The following LIMCH1 variants were observed in gnomAD, a reference collection of about 807,000 sequenced individuals.
LIMCH1 encodes the protein LIM and calponin homology domains 1.
Under a neutral mutation model 176.5 loss-of-function variants are expected in LIMCH1, and 113 were observed. The ratio of observed to expected loss-of-function variants is 0.64; its 90% CI spans 0.55 to 0.75. The LOEUF (loss-of-function observed/expected upper bound fraction) is 0.75, where lower values mean the gene tolerates loss of function less well. Ranked by LOEUF, LIMCH1 falls within the 30% of genes least tolerant of loss-of-function variation. The pLI is 0.00. For missense variants in LIMCH1, 1,674 were observed against 1,814.9 expected (o/e 0.92, Z 1.41); for synonymous variants, 619 against 645.9 (o/e 0.96, Z 0.63).
At chr4:41,377,047 A>G (rs2054870226) in intron 1 of LIMCH1, among the ~76,000 whole-genome samples, 1 of 152,226 alleles carries the variant, frequency 6.6e-6, no homozygotes, top group South Asian at 2.1e-4. Context: ...AGCACATGAA[A>G]TTAAGACTTT....
At chr4:41,459,044 A>G (rs7681403) in intron 1 of LIMCH1, among the ~76,000 whole-genome samples, 2,023 of 152,248 alleles carry the variant, frequency 0.013, 44 homozygotes, top group African/African-American at 0.047. Context: ...TCTTATAAGG[A>G]ACTAGGATAT....
intron 1 of LIMCH1, among the ~76,000 whole-genome samples, chr4:41,545,519 C>G (rs1201604361): frequency 6.6e-6 from 1 of 152,164 alleles, no homozygotes; most frequent in Non-Finnish European, 1.5e-5. Flanking sequence ...CAAGGGTGAT[C>G]AAGCAGTTAC....
chr4:41,373,423 G>A (rs1158802727), intron 1 of LIMCH1, among the ~76,000 whole-genome samples: 2 of 152,232 alleles, frequency 1.3e-5, no homozygotes, highest in Admixed American at 6.5e-5. Context: ...GGAATCCTCC[G>A]TGCTTCTTGG....
chr4:41,614,247 C>T (rs967198069), intron 5 of LIMCH1, among the ~76,000 whole-genome samples: 2 of 152,178 alleles, frequency 1.3e-5, no homozygotes, highest in African/African-American at 4.8e-5. Context: ...TGTTCTGAAG[C>T]TGGGATTGAT....
intron 21 of LIMCH1, 42 bp downstream of exon 21, chr4:41,666,708 C>A: frequency 7.8e-7 from 1 of 1,282,738 alleles, no homozygotes; most frequent in Non-Finnish European, 1.1e-6. Context: ...ATGTTCTGGG[C>A]CCATCTGTAG....
intron 14 of LIMCH1, among the ~76,000 whole-genome samples, chr4:41,643,238 G>A (rs1317432731): frequency 6.6e-6 from 1 of 152,148 alleles, no homozygotes; most frequent in Admixed American, 6.5e-5. Context: ...TGCTGCTGCT[G>A]TTCATTGTCT....
chr4:41,376,010 A>C (rs2054711254), intron 1 of LIMCH1, among the ~76,000 whole-genome samples: 1 of 152,226 alleles, frequency 6.6e-6, no homozygotes. Context: ...TATGTAGAAA[A>C]TATGTTTTTT....
intron 10 of LIMCH1, 50 bp downstream of exon 10, chr4:41,631,527 GC>G (rs1224146068): frequency 2.1e-6 from 3 of 1,406,366 alleles, no homozygotes; most frequent in African/African-American, 2.9e-5. Context: ...AGTCACTGCT[GC>G]TTTTGTAGAG....
At chr4:41,632,631 G>A in intron 10 of LIMCH1, 118 bp from the exon 11 acceptor site, 1 of 782,884 alleles carries the variant, frequency 1.3e-6, no homozygotes, top group South Asian at 1.6e-5. Flanking sequence ...ACCAGCCTTT[G>A]GAATGAGAGC....
At chr4:41,670,935 T>C in intron 21 of LIMCH1, 2 of 1,389,454 alleles carry the variant, frequency 1.4e-6, no homozygotes, top group Non-Finnish European at 1.9e-6. Context: ...GCTAGTTCTT[T>C]TATATTACTA....
rs1731691307 is a variant in LIMCH1, at chr4:41,698,025, C to T, written c.*840C>T. On this transcript the variant is annotated 3_prime_UTR_variant, in exon 32 of 32. Transcript: ENST00000503057. ...CAAAGAGTCAATGTCAGACATCAGG[C>T]CTCTGTTGCCTGCTTCTCTCGAGGC... The T allele has an allele frequency of 6.6e-6, 1 of 152,110 alleles. No homozygotes were observed. The highest frequency in any genetic ancestry group is 1.9e-4 in the East Asian group (1 of 5,172). 9.4% of individuals were successfully genotyped at this position (152,110 alleles called of 1,614,324 possible).
intron 1 of LIMCH1, among the ~76,000 whole-genome samples, chr4:41,553,837 A>G (rs1471549502): frequency 6.6e-6 from 1 of 152,140 alleles, no homozygotes; most frequent in African/African-American, 2.4e-5. Context: ...TGGTTTACCT[A>G]CTATGTATTG....
chr4:41,546,506 A>C (rs1482861115), intron 1 of LIMCH1, among the ~76,000 whole-genome samples: 1 of 151,494 alleles, frequency 6.6e-6, no homozygotes, highest in Admixed American at 6.6e-5. Context: ...ATGCTTGCCT[A>C]TCTATAGAAT....
intron 1 of LIMCH1, among the ~76,000 whole-genome samples, chr4:41,421,054 C>T (rs370306419): frequency 1.3e-5 from 2 of 152,096 alleles, no homozygotes; most frequent in East Asian, 1.9e-4. Context: ...TTGTTAGGGC[C>T]GGCCCCAAGA....
At position 41,632,803 on chromosome 4, in the gene LIMCH1, T is replaced by G; in HGVS notation, c.1656T>G (p.Pro552=). The G allele has an allele frequency of 6.5e-7, 1 of 1,536,218 alleles. No homozygotes were observed. The highest frequency in any genetic ancestry group is 8.7e-7 in the Non-Finnish European group (1 of 1,146,908). Residue 552 remains proline, a synonymous_variant, in exon 11 of 32, where the codon CCT becomes CCG. Coordinates refer to ENST00000503057, the MANE Select transcript of LIMCH1 (RefSeq NM_001330672.2). ...GCAGAAGGGCCTCGTGGCTGGCTCC[T>G]GTGCCGGAGTCTCAGGAAGAGTGGG... is the stretch of plus-strand genomic sequence containing the variant. The part of the protein sequence containing the change: ...DYCRRASWLA[P]VPESQEEWVC...
chr4:41,447,082 T>C (rs1284190460), intron 1 of LIMCH1, among the ~76,000 whole-genome samples: 2 of 151,976 alleles, frequency 1.3e-5, no homozygotes, highest in Non-Finnish European at 2.9e-5. Context: ...TATAAAAAAT[T>C]AGCTGGGCAT....
intron 1 of LIMCH1, among the ~76,000 whole-genome samples, chr4:41,574,740 T>C (rs980428849): frequency 6.6e-6 from 1 of 152,228 alleles, no homozygotes; most frequent in Non-Finnish European, 1.5e-5. Flanking sequence ...TTACGCTGTT[T>C]GCTTTTTGCT....
chr4:41,474,007 G>C (rs1349442576), intron 1 of LIMCH1, among the ~76,000 whole-genome samples: 2 of 151,436 alleles, frequency 1.3e-5, no homozygotes, highest in Non-Finnish European at 2.9e-5. Flanking sequence ...GAACAACCCT[G>C]TCTCTACTAA....
At chr4:41,366,784 A>G (rs2053065087) in intron 1 of LIMCH1, among the ~76,000 whole-genome samples, 1 of 152,204 alleles carries the variant, frequency 6.6e-6, no homozygotes, top group Non-Finnish European at 1.5e-5. Flanking sequence ...TGTTTGCAAT[A>G]TTGAAAACAA....
Sources: allele counts gnomAD v4.1 joint callset (sites outside exome capture counted in the v4.1 genomes callset), GRCh38; gene constraint gnomAD v4.1.1; transcripts MANE v1.5; gene names NCBI Gene and HGNC (gene_info 2026-07-23, HGNC 2026-07-21).